The following LRRTM4 variants were observed in gnomAD, a reference collection of about 807,000 sequenced individuals.
The protein encoded by LRRTM4 is leucine-rich repeat transmembrane neuronal protein 4.
Under a neutral mutation model 47.6 loss-of-function variants are expected in LRRTM4, and 25 were observed. The observed-to-expected ratio is 0.53, with a 90% CI of 0.38 to 0.73. LRRTM4 has a LOEUF of 0.73. Among genes scored for constraint, LRRTM4 ranks in the 30% least tolerant of loss-of-function variants. LRRTM4 has a pLI of 0.00. For missense variants in LRRTM4, 638 were observed against 713.4 expected, an observed-to-expected ratio of 0.89 and a Z score of 1.20; for synonymous variants, 311 against 269.5, an observed-to-expected ratio of 1.15 and a Z score of -1.51.
intron 3 of LRRTM4, among the ~76,000 whole-genome samples, chr2:77,058,530 C>A (rs1020983326): frequency 4.0e-5 from 6 of 151,802 alleles, no homozygotes; most frequent in Non-Finnish European, 5.9e-5. Context: ...TCAGTATTTT[C>A]TTTTTCCTAT....
intron 3 of LRRTM4, among the ~76,000 whole-genome samples, chr2:76,760,910 T>C (rs560221242): frequency 1.3e-5 from 2 of 152,320 alleles, no homozygotes; most frequent in African/African-American, 4.8e-5. Context: ...CCATCCGAAA[T>C]GCCTTTAGAG....
intron 3 of LRRTM4, among the ~76,000 whole-genome samples, chr2:76,819,419 A>G (rs1229524505): frequency 2.0e-5 from 3 of 151,852 alleles, no homozygotes; most frequent in Admixed American, 6.6e-5. Context: ...ACATAGCAAA[A>G]GAAACCTAGA....
chr2:76,964,523 A>G (rs1355265714), intron 3 of LRRTM4, among the ~76,000 whole-genome samples: 1 of 150,952 alleles, frequency 6.6e-6, no homozygotes, highest in Non-Finnish European at 1.5e-5. Flanking sequence ...GTAAAGCTCA[A>G]TAATTCTACA....
intron 3 of LRRTM4, among the ~76,000 whole-genome samples, chr2:76,792,042 C>G (rs1428273550): frequency 6.6e-6 from 1 of 152,078 alleles, no homozygotes; most frequent in Non-Finnish European, 1.5e-5. Context: ...AAAGTCAGCT[C>G]TTATTTATCT....
chr2:76,849,593 A>T (rs992902075), intron 3 of LRRTM4, among the ~76,000 whole-genome samples: 4 of 152,074 alleles, frequency 2.6e-5, no homozygotes, highest in African/African-American at 9.7e-5. Flanking sequence ...GGCGACTTAA[A>T]ACAATCTAGT....
chr2:77,339,451 G>T (rs1671289245), intron 3 of LRRTM4, among the ~76,000 whole-genome samples: 1 of 151,842 alleles, frequency 6.6e-6, no homozygotes, highest in Non-Finnish European at 1.5e-5. Flanking sequence ...TGAAAACAAA[G>T]ATTTTTCTAG....
chr2:77,466,988 G>A (rs898621022), intron 3 of LRRTM4, among the ~76,000 whole-genome samples: 4 of 151,864 alleles, frequency 2.6e-5, no homozygotes, highest in South Asian at 2.1e-4. Context: ...GTGAGCCACC[G>A]TGCCTGGTCC....
Position 76,909,588 on chromosome 2 carries a change from C to G in LRRTM4, c.1552-160672G>C, listed in dbSNP as rs559384434. Among the ~76,000 whole-genome samples, 9 of 152,060 alleles carry G rather than the reference C, an allele frequency of 5.9e-5. No homozygotes were observed. In the East Asian group the frequency reaches 1.7e-3, roughly 29 times the overall value. On this transcript the variant is annotated intron_variant, in intron 3 of 3. Transcript: ENST00000409884. ...CAAAATGGGAGAAAATTTTCGCAACCTACTCATTTGACAAAGGGCTAATAT... is the reference window on the plus strand; with the variant it reads ...CAAAATGGGAGAAAATTTTCGCAACGTACTCATTTGACAAAGGGCTAATAT...
At chr2:77,359,063 T>C (rs1349731795) in intron 3 of LRRTM4, among the ~76,000 whole-genome samples, 4 of 152,200 alleles carry the variant, frequency 2.6e-5, no homozygotes, top group Non-Finnish European at 5.9e-5. Flanking sequence ...TCTTTGTTTT[T>C]GATGCTTTTA....
chr2:76,862,792 A>G (rs978745719), intron 3 of LRRTM4, among the ~76,000 whole-genome samples: 2 of 152,204 alleles, frequency 1.3e-5, no homozygotes, highest in African/African-American at 4.8e-5. Context: ...TTATTCACAT[A>G]TATTTGTTGA....
intron 3 of LRRTM4, among the ~76,000 whole-genome samples, chr2:77,269,107 A>C (rs1676127063): frequency 6.6e-6 from 1 of 151,830 alleles, no homozygotes; most frequent in East Asian, 1.9e-4. Context: ...TCTCAGCTGA[A>C]ATTTTATTTT....
intron 3 of LRRTM4, among the ~76,000 whole-genome samples, chr2:77,212,004 A>G (rs1674305061): frequency 6.6e-6 from 1 of 152,034 alleles, no homozygotes; most frequent in Non-Finnish European, 1.5e-5. Context: ...GTTAGTCCCA[A>G]TGGCACCTGA....
intron 3 of LRRTM4, among the ~76,000 whole-genome samples, chr2:77,250,328 T>G (rs970138945): frequency 6.6e-6 from 1 of 152,176 alleles, no homozygotes; most frequent in Non-Finnish European, 1.5e-5. Flanking sequence ...ATAATGAATT[T>G]CAATATACAT....
intron 3 of LRRTM4, among the ~76,000 whole-genome samples, chr2:77,040,121 T>A (rs1248400172): frequency 6.6e-6 from 1 of 151,190 alleles, no homozygotes; most frequent in Non-Finnish European, 1.5e-5. Context: ...TACCATGGAT[T>A]TCATTGTAGT....
At chr2:77,342,090 C>T (rs1010074911) in intron 3 of LRRTM4, among the ~76,000 whole-genome samples, 1 of 151,888 alleles carries the variant, frequency 6.6e-6, no homozygotes, top group South Asian at 2.1e-4. Context: ...TACCAATGTG[C>T]TATACCAATG....
At chr2:76,940,721 C>A (rs964557709) in intron 3 of LRRTM4, among the ~76,000 whole-genome samples, 1 of 152,102 alleles carries the variant, frequency 6.6e-6, no homozygotes, top group Non-Finnish European at 1.5e-5. Flanking sequence ...GTACTATGTA[C>A]GTCAGAAAGA....
intron 3 of LRRTM4, among the ~76,000 whole-genome samples, chr2:77,265,595 A>G (rs1676029294): frequency 1.3e-5 from 2 of 152,096 alleles, no homozygotes; most frequent in Admixed American, 6.6e-5. Context: ...CATCTGTGGC[A>G]TTGTGTTATA....
intron 3 of LRRTM4, among the ~76,000 whole-genome samples, chr2:76,857,671 G>A (rs2103996277): frequency 6.6e-6 from 1 of 152,242 alleles, no homozygotes; most frequent in Non-Finnish European, 1.5e-5. Context: ...TATACTGATA[G>A]TGGTGATTAT....
intron 3 of LRRTM4, among the ~76,000 whole-genome samples, chr2:77,278,382 A>G (rs1045586791): frequency 6.6e-6 from 1 of 152,040 alleles, no homozygotes; most frequent in Non-Finnish European, 1.5e-5. Context: ...ACATTGTCCT[A>G]TAACAGCTAG....
Sources: gnomAD v4.1 joint callset for allele counts (sites outside exome capture counted in the v4.1 genomes callset) on GRCh38, gnomAD v4.1.1 for gene constraint, MANE v1.5 for transcripts, NCBI Gene and HGNC (gene_info 2026-07-23, HGNC 2026-07-21) for gene names.